Variants in RAPGEF5 observed in about 807,000 individuals in gnomAD.
RAPGEF5 encodes the protein M-Ras-regulated GEF.
Under a neutral mutation model 125.2 loss-of-function variants are expected in RAPGEF5, and 65 were observed. That is an observed-to-expected ratio of 0.52 (90% CI 0.43 to 0.64). The LOEUF is 0.64. RAPGEF5 is among the 30% of genes least tolerant of loss of function. The pLI is 0.00. For synonymous variants in RAPGEF5, 391 were observed against 385.9 expected, an observed-to-expected ratio of 1.01 and a Z score of -0.16; for missense variants, 958 against 1,048.1, an observed-to-expected ratio of 0.91 and a Z score of 1.19.
intron 8 of RAPGEF5, among the ~76,000 whole-genome samples, chr7:22,229,933 C>T (rs1158609824): frequency 6.6e-6 from 1 of 152,200 alleles, no homozygotes; most frequent in Non-Finnish European, 1.5e-5. Flanking sequence ...TACAGATACA[C>T]AGTTATATAA....
At chr7:22,271,351 C>T (rs774568075) in intron 6 of RAPGEF5, among the ~76,000 whole-genome samples, 5 of 152,188 alleles carry the variant, frequency 3.3e-5, no homozygotes, top group South Asian at 2.1e-4. Flanking sequence ...CCCCATATTT[C>T]GACCTTCATT....
rs2128134534 is a variant in RAPGEF5 at position 22,230,900 on chromosome 7, T to C, written c.816A>G (p.Glu272=). The change falls in exon 8 of 26, where the codon GAA becomes GAG. Residue 272 remains glutamate, a synonymous_variant. Transcript: ENST00000665637. Reference sequence around the variant, plus strand: ...TTACAGCTACATGTTTGTCGTTGTTTTCTTCATCTTGTTCAATTGCTTAAA... The same window carrying C: ...TTACAGCTACATGTTTGTCGTTGTTCTCTTCATCTTGTTCAATTGCTTAAA... ...ARKSAIEQDE[E]NNDKHVAVTE... 2 of 1,562,534 alleles carry C rather than the reference T, an allele frequency of 1.3e-6. No individual in the cohort carries two copies. Among genetic ancestry groups the C allele is most frequent in the Admixed American group, 1.9e-5 (1 of 52,210 alleles).
chr7:22,200,238 T>C (rs1013966013), intron 9 of RAPGEF5, among the ~76,000 whole-genome samples: 1 of 152,216 alleles, frequency 6.6e-6, no homozygotes, highest in African/African-American at 2.4e-5. Flanking sequence ...AAGAATTTTA[T>C]TCGAGAACAA....
chr7:22,168,033 C>T (rs1184948358), intron 11 of RAPGEF5, among the ~76,000 whole-genome samples: 3 of 152,148 alleles, frequency 2.0e-5, no homozygotes, highest in African/African-American at 2.4e-5. Flanking sequence ...TCATCTTTTA[C>T]ATTCCAGACA....
intron 7 of RAPGEF5, among the ~76,000 whole-genome samples, chr7:22,240,984 C>A (rs1052937335): frequency 6.6e-6 from 1 of 152,160 alleles, no homozygotes; most frequent in Admixed American, 6.5e-5. Flanking sequence ...GAAGCATGTG[C>A]CATTAGCTCC....
intron 6 of RAPGEF5, among the ~76,000 whole-genome samples, chr7:22,282,993 C>A (rs1782709267): frequency 6.6e-6 from 1 of 150,598 alleles, no homozygotes. Flanking sequence ...GTATAGAACA[C>A]AAAATAAAAT....
intron 1 of RAPGEF5, among the ~76,000 whole-genome samples, chr7:22,319,720 A>G (rs1783675411): frequency 3.3e-5 from 5 of 152,214 alleles, no homozygotes; most frequent in Admixed American, 3.3e-4. Flanking sequence ...AAACAGGTAG[A>G]CTTTTAAAAT....
chr7:22,303,559 C>A (rs1783261605), intron 5 of RAPGEF5, among the ~76,000 whole-genome samples: 1 of 152,132 alleles, frequency 6.6e-6, no homozygotes, highest in African/African-American at 2.4e-5. Flanking sequence ...TTTGAAGACA[C>A]TTAGAAGACA....
At chr7:22,163,060 T>G (rs2128112714) in intron 12 of RAPGEF5, 1 of 449,978 alleles carries the variant, frequency 2.2e-6, no homozygotes, top group Admixed American at 2.4e-5. Flanking sequence ...CCTAGGAACT[T>G]ACTTGAAAAC....
chr7:22,211,330 T>C (rs1785502890), intron 9 of RAPGEF5, among the ~76,000 whole-genome samples: 1 of 152,252 alleles, frequency 6.6e-6, no homozygotes, highest in Non-Finnish European at 1.5e-5. Context: ...TACAGCACAG[T>C]AAGTTGTATT....
At chr7:22,215,151 T>C (rs770615270) in intron 9 of RAPGEF5, among the ~76,000 whole-genome samples, 5 of 152,096 alleles carry the variant, frequency 3.3e-5, no homozygotes, top group Non-Finnish European at 7.4e-5. Flanking sequence ...CACAGTCTGG[T>C]CCCAATCTCA....
At chr7:22,150,053 C>T (rs1335237015) in intron 18 of RAPGEF5, among the ~76,000 whole-genome samples, 2 of 143,294 alleles carry the variant, frequency 1.4e-5, no homozygotes, top group Non-Finnish European at 3.0e-5. Flanking sequence ...AAAACCTATG[C>T]TTTATGTGGT....
At chr7:22,290,903 T>C (rs1175225814) in intron 6 of RAPGEF5, among the ~76,000 whole-genome samples, 2 of 152,082 alleles carry the variant, frequency 1.3e-5, no homozygotes, top group Non-Finnish European at 2.9e-5. Flanking sequence ...GGTTAACGCA[T>C]ACTGTATTTA....
intron 1 of RAPGEF5, among the ~76,000 whole-genome samples, chr7:22,329,616 T>C (rs1026447668): frequency 2.6e-5 from 4 of 152,128 alleles, no homozygotes; most frequent in Non-Finnish European, 4.4e-5. Flanking sequence ...AGATCAACAA[T>C]ACCCAATAAA....
chr7:22,320,569 T>C (rs1258471320), intron 1 of RAPGEF5, among the ~76,000 whole-genome samples: 1 of 152,082 alleles, frequency 6.6e-6, no homozygotes, highest in Non-Finnish European at 1.5e-5. Flanking sequence ...CCCTTGAAAA[T>C]GCACCCCCCT....
At chr7:22,140,173 C>A in intron 20 of RAPGEF5, 58 bp from the exon 21 acceptor site, 17 of 1,465,268 alleles carry the variant, frequency 1.2e-5, no homozygotes, top group Non-Finnish European at 1.6e-5. Flanking sequence ...CCCAGATAAT[C>A]ACAAAAGATA....
intron 7 of RAPGEF5, among the ~76,000 whole-genome samples, chr7:22,242,947 CAAAAAA>C (rs537954162): frequency 1.5e-5 from 1 of 65,744 alleles, no homozygotes; most frequent in African/African-American, 4.7e-5. Context: ...AACTCCGTCT[CAAAAAA>C]AAAAAAAAAA....
chr7:22,308,657 T>A (rs936073387), intron 4 of RAPGEF5, 150 bp from the exon 5 acceptor site: 1 of 655,288 alleles, frequency 1.5e-6, no homozygotes, highest in African/African-American at 1.9e-5. Context: ...ATGTTTATAA[T>A]CCCATTGAAT....
At chr7:22,222,319 G>T (rs1785812056) in intron 8 of RAPGEF5, among the ~76,000 whole-genome samples, 1 of 151,960 alleles carries the variant, frequency 6.6e-6, no homozygotes, top group Non-Finnish European at 1.5e-5. Flanking sequence ...ATACAGAGTG[G>T]TAATATATGA....
Sources: allele counts gnomAD v4.1 joint callset (sites outside exome capture counted in the v4.1 genomes callset), GRCh38; gene constraint gnomAD v4.1.1; transcripts MANE v1.5; gene names NCBI Gene and HGNC (gene_info 2026-07-23, HGNC 2026-07-21).